The following FBXL17 variants were observed in gnomAD, a reference collection of about 807,000 sequenced individuals.
FBXL17 encodes the protein F-box/LRR-repeat protein 17.
Under a neutral mutation model 66.2 loss-of-function variants are expected in FBXL17, and 22 were observed. The observed-to-expected ratio is 0.33, with a 90% confidence interval of 0.24 to 0.47. The LOEUF (loss-of-function observed/expected upper bound fraction) is 0.47. Ranked by LOEUF, FBXL17 falls within the 20% of genes least tolerant of loss-of-function variation. The pLI, the probability that FBXL17 is intolerant of heterozygous loss-of-function variation, is 1.00. For synonymous variants in FBXL17, 474 were observed against 400.5 expected, an observed-to-expected ratio of 1.18 and a Z score of -2.19; for missense variants, 878 against 948.2, an observed-to-expected ratio of 0.93 and a Z score of 0.97.
At chr5:108,107,474 C>T (rs1375464186) in intron 6 of FBXL17, among the ~76,000 whole-genome samples, 2 of 152,082 alleles carry the variant, frequency 1.3e-5, no homozygotes, top group African/African-American at 4.8e-5. Context: ...ATTTATAATT[C>T]ACTTTCCTTT....
At chr5:108,075,150 G>T (rs1310223678) in intron 6 of FBXL17, among the ~76,000 whole-genome samples, 1 of 152,116 alleles carries the variant, frequency 6.6e-6, no homozygotes, top group Admixed American at 6.6e-5. Context: ...CAAATACTTT[G>T]TTGGCTCTGT....
At chr5:107,884,717 G>A (rs1418684588) in intron 7 of FBXL17, among the ~76,000 whole-genome samples, 3 of 152,084 alleles carry the variant, frequency 2.0e-5, no homozygotes, top group African/African-American at 4.8e-5. Flanking sequence ...GTTTGACATC[G>A]GGATCACATT....
At chr5:108,138,842 A>G (rs1213811871) in intron 6 of FBXL17, among the ~76,000 whole-genome samples, 1 of 152,210 alleles carries the variant, frequency 6.6e-6, no homozygotes, top group African/African-American at 2.4e-5. Context: ...TATGAAAAAG[A>G]GGCATAAAGA....
rs34650348 is a variant in FBXL17, at chr5:108,232,782, C to CATATATATATATAT, written c.1507-8568_1507-8555dup. ...TAAGTTAATACTGAATAAGCTCTCACATATATATATATATATATATATAAT... is the reference window on the plus strand; with the variant it reads ...TAAGTTAATACTGAATAAGCTCTCACATATATATATATATATATATATATATATATATATATAAT... On this transcript the variant is annotated intron_variant, in intron 4 of 8. Coordinates refer to ENST00000542267, the MANE Select transcript of FBXL17 (RefSeq NM_001163315.3). Among the ~76,000 whole-genome samples, 376 of 78,144 alleles carry CATATATATATATAT rather than the reference C, an allele frequency of 4.8e-3. 20 individuals are homozygous for CATATATATATATAT. Among genetic ancestry groups the CATATATATATATAT allele is most frequent in the East Asian group, 0.034 (119 of 3,524 alleles). The allele number at this position is 78,144 out of a possible 152,430, so 51.3% of individuals were successfully genotyped here. A position where few individuals can be genotyped will look rare whatever the true frequency, so the allele number is the denominator to read the frequency against.
intron 7 of FBXL17, among the ~76,000 whole-genome samples, chr5:107,975,317 A>T (rs186818059): frequency 6.6e-6 from 1 of 152,120 alleles, no homozygotes. Context: ...CTGGAAATTG[A>T]CTTCTCTACA....
intron 7 of FBXL17, among the ~76,000 whole-genome samples, chr5:107,955,972 AC>A (rs1288620357): frequency 3.3e-5 from 5 of 152,156 alleles, no homozygotes; most frequent in Admixed American, 1.3e-4. Flanking sequence ...AAAACCAATT[AC>A]CTCTAATTCA....
chr5:108,312,572 ACCTT>A (rs1042791596), intron 4 of FBXL17, among the ~76,000 whole-genome samples: 9 of 151,828 alleles, frequency 5.9e-5, no homozygotes, highest in Non-Finnish European at 1.5e-5. Context: ...CTTGAAAAGC[ACCTT>A]AAAACCAAAG....
intron 6 of FBXL17, among the ~76,000 whole-genome samples, chr5:108,087,003 C>T (rs761270394): frequency 1.3e-5 from 2 of 152,040 alleles, no homozygotes; most frequent in South Asian, 2.1e-4. Context: ...ACAGAGAGGC[C>T]GGCCTGCAGC....
intron 6 of FBXL17, among the ~76,000 whole-genome samples, chr5:108,137,013 C>T (rs932493003): frequency 3.3e-5 from 5 of 152,106 alleles, no homozygotes; most frequent in East Asian, 3.9e-4. Context: ...TAACATCATC[C>T]AATCTTTCAA....
At chr5:108,371,259 A>G (rs1749021225) in intron 1 of FBXL17, among the ~76,000 whole-genome samples, 2 of 152,216 alleles carry the variant, frequency 1.3e-5, no homozygotes, top group South Asian at 4.1e-4. Flanking sequence ...AGAATTGGGG[A>G]AGAGAACTCT....
chr5:108,250,804 T>G (rs1461791094), intron 4 of FBXL17, among the ~76,000 whole-genome samples: 3 of 152,132 alleles, frequency 2.0e-5, no homozygotes, highest in Non-Finnish European at 4.4e-5. Flanking sequence ...TATATGTACT[T>G]GTTTATTTTT....
Position 107,859,390 on chromosome 5 carries a change from G to GTTTTTTTTTTTTTTTTT in FBXL17, c.*2313_*2329dup, listed in dbSNP as rs549840338. On this transcript the variant is annotated 3_prime_UTR_variant, in exon 9 of 9. Coordinates refer to ENST00000542267, the MANE Select transcript of FBXL17 (RefSeq NM_001163315.3). ...CTCAAGGTGATGCTTTTTTCTGGCT[G>GTTTTTTTTTTTTTTTTT]TTTTTTTTTTTTTTTTTTTTTTTTT... 5.0e-5 allele frequency: 3 copies of GTTTTTTTTTTTTTTTTT among 60,184 alleles called. No individual in the cohort carries two copies. Among genetic ancestry groups the GTTTTTTTTTTTTTTTTT allele is most frequent in the African/African-American group, 6.9e-5 (1 of 14,486 alleles). The allele number at this position is 60,184 out of a possible 1,614,324, so 3.7% of individuals were successfully genotyped here.
intron 6 of FBXL17, among the ~76,000 whole-genome samples, chr5:108,146,786 A>T (rs1265792571): frequency 6.6e-6 from 1 of 151,950 alleles, no homozygotes; most frequent in African/African-American, 2.4e-5. Flanking sequence ...CAGGCTAGGG[A>T]CCCCCCAGAC....
intron 1 of FBXL17, 63 bp from the exon 2 acceptor site, chr5:108,368,016 T>C (rs1748783461): frequency 4.9e-6 from 7 of 1,441,772 alleles, no homozygotes; most frequent in Non-Finnish European, 6.5e-6. Context: ...AGGAAAAGGT[T>C]TTTATTAGTT....
intron 7 of FBXL17, among the ~76,000 whole-genome samples, chr5:107,938,439 G>T (rs537115519): frequency 2.0e-5 from 3 of 152,242 alleles, no homozygotes; most frequent in East Asian, 3.9e-4. Context: ...GGTGAAAGGG[G>T]TTGTTAGTCA....
chr5:108,301,956 A>T, intron 4 of FBXL17: 1 of 858,828 alleles, frequency 1.2e-6, no homozygotes, highest in Non-Finnish European at 1.4e-6. Context: ...CTATAACAGG[A>T]TAACTAATTT....
intron 7 of FBXL17, among the ~76,000 whole-genome samples, chr5:107,963,135 A>G (rs1751983432): frequency 6.6e-6 from 1 of 152,152 alleles, no homozygotes; most frequent in Non-Finnish European, 1.5e-5. Context: ...ATCTTTTACT[A>G]AAGTACTCAT....
chr5:108,146,066 C>T (rs185424078), intron 6 of FBXL17, among the ~76,000 whole-genome samples: 2 of 151,588 alleles, frequency 1.3e-5, no homozygotes, highest in Non-Finnish European at 2.9e-5. Flanking sequence ...AAAATCTCTA[C>T]TAAAAATACA....
intron 7 of FBXL17, among the ~76,000 whole-genome samples, chr5:107,901,629 G>A (rs1030420631): frequency 4.6e-5 from 7 of 152,184 alleles, no homozygotes; most frequent in African/African-American, 1.7e-4. Flanking sequence ...CTTCTCCTCC[G>A]TAAAGACATG....
Sources: gnomAD v4.1 joint callset for allele counts (sites outside exome capture counted in the v4.1 genomes callset) on GRCh38, gnomAD v4.1.1 for gene constraint, MANE v1.5 for transcripts, NCBI Gene and HGNC (gene_info 2026-07-23, HGNC 2026-07-21) for gene names.